The following XRCC4 variants were observed in gnomAD, a reference collection of about 807,000 sequenced individuals.
XRCC4 encodes X-ray repair cross complementing 4.
Under a neutral mutation model 39.1 loss-of-function variants are expected in XRCC4, and 28 were observed. The observed-to-expected ratio is 0.72, with a 90% confidence interval of 0.53 to 0.98. The LOEUF (loss-of-function observed/expected upper bound fraction) is 0.98, where lower values mean the gene tolerates loss of function less well. Among genes scored for constraint, XRCC4 ranks in the 50% least tolerant of loss-of-function variants. XRCC4 has a pLI of 0.00. For synonymous variants in XRCC4, 123 were observed against 126.4 expected (o/e 0.97, Z 0.18); for missense variants, 350 against 376.4 (o/e 0.93, Z 0.58).
intron 7 of XRCC4, among the ~76,000 whole-genome samples, chr5:83,325,003 T>C (rs1322898263): frequency 1.3e-5 from 2 of 152,156 alleles, no homozygotes; most frequent in African/African-American, 2.4e-5. Context: ...AGTGATTTTT[T>C]TAAAGTTCCT....
At chr5:83,207,456 A>G (rs573707736) in intron 6 of XRCC4, among the ~76,000 whole-genome samples, 5 of 152,198 alleles carry the variant, frequency 3.3e-5, no homozygotes, top group African/African-American at 1.2e-4. Flanking sequence ...TATGATCTAT[A>G]GGTCTCTGTT....
chr5:83,295,218 A>G (rs1755052826), intron 7 of XRCC4, among the ~76,000 whole-genome samples: 1 of 152,044 alleles, frequency 6.6e-6, no homozygotes, highest in Non-Finnish European at 1.5e-5. Flanking sequence ...CCACCAGACC[A>G]CTTTTTAACT....
At chr5:83,127,239 G>A (rs1747313966) in intron 3 of XRCC4, among the ~76,000 whole-genome samples, 1 of 152,126 alleles carries the variant, frequency 6.6e-6, no homozygotes. Flanking sequence ...CAAAATTTGT[G>A]TGTGGAAAAC....
intron 6 of XRCC4, among the ~76,000 whole-genome samples, chr5:83,206,532 T>C (rs989392377): frequency 2.0e-5 from 3 of 151,858 alleles, no homozygotes; most frequent in Non-Finnish European, 2.9e-5. Context: ...TAGGAGAGAA[T>C]AGGAGTTTCA....
At chr5:83,083,343 A>C (rs1434117629) in intron 1 of XRCC4, among the ~76,000 whole-genome samples, 1 of 150,890 alleles carries the variant, frequency 6.6e-6, no homozygotes, top group Non-Finnish European at 1.5e-5. Flanking sequence ...GTTTGAATGA[A>C]TGACTGACTT....
chr5:83,094,884 CTT>C (rs74373750), intron 1 of XRCC4, among the ~76,000 whole-genome samples: 56,870 of 127,700 alleles, frequency 0.45, 11,896 homozygotes, highest in African/African-American at 0.48. Flanking sequence ...ATTCTGAAAT[CTT>C]TTTTTTTTTT....
At chr5:83,162,936 T>TTTTC (rs1554060093) in intron 3 of XRCC4, among the ~76,000 whole-genome samples, 25,690 of 134,074 alleles carry the variant, frequency 0.19, 4,116 homozygotes, top group African/African-American at 0.46. Flanking sequence ...TTTTTTTTCT[T>TTTTC]TTTCTTTCTT....
At chr5:83,152,308 G>A (rs1031902) in intron 3 of XRCC4, among the ~76,000 whole-genome samples, 1 of 152,024 alleles carries the variant, frequency 6.6e-6, no homozygotes, top group Admixed American at 6.6e-5. Flanking sequence ...TCATGCCTAA[G>A]AATATTTAAT....
intron 7 of XRCC4, among the ~76,000 whole-genome samples, chr5:83,281,273 C>G (rs921119190): frequency 6.6e-6 from 1 of 152,132 alleles, no homozygotes; most frequent in African/African-American, 2.4e-5. Context: ...AGACTTGACT[C>G]CAATACAGCT....
the XRCC4 span, among the ~76,000 whole-genome samples, chr5:83,373,712 TATTTTTTTTAACAGAGAGA>T: frequency 9.2e-5 from 14 of 152,332 alleles, no homozygotes; most frequent in East Asian, 2.7e-3. Context: ...GCTTTTTCTC[TATTTTTTTTAACAGAGAGA>T]ATGTCTACAC....
chr5:83,367,875 G>A, the XRCC4 span, among the ~76,000 whole-genome samples: 5 of 151,774 alleles, frequency 3.3e-5, no homozygotes, highest in Non-Finnish European at 7.4e-5. Context: ...TTACAGGCAT[G>A]AGCCACTGCA....
At chr5:83,118,097 C>A (rs1319037459) in intron 3 of XRCC4, among the ~76,000 whole-genome samples, 1 of 151,036 alleles carries the variant, frequency 6.6e-6, no homozygotes, top group Non-Finnish European at 1.5e-5. Context: ...TAGTGAATAT[C>A]TAAAACTCTA....
intron 1 of XRCC4, among the ~76,000 whole-genome samples, chr5:83,100,633 G>T (rs1017241598): frequency 2.0e-5 from 3 of 152,012 alleles, no homozygotes; most frequent in African/African-American, 7.2e-5. Flanking sequence ...GTATAAGTAT[G>T]TGTGCATCTG....
At chr5:83,279,352 A>G (rs1754456343) in intron 7 of XRCC4, among the ~76,000 whole-genome samples, 1 of 152,048 alleles carries the variant, frequency 6.6e-6, no homozygotes, top group South Asian at 2.1e-4. Context: ...AAAAATAAAA[A>G]TAAAAAAATT....
At chr5:83,120,916 TAGTACCCATCATA>T (rs764500860) in intron 3 of XRCC4, among the ~76,000 whole-genome samples, 1 of 152,172 alleles carries the variant, frequency 6.6e-6, no homozygotes, top group African/African-American at 2.4e-5. Flanking sequence ...CCAAATTTTT[TAGTACCCATCATA>T]ATTCCTTTCT....
chr5:83,312,721 G>A (rs1755747238), intron 7 of XRCC4, among the ~76,000 whole-genome samples: 1 of 152,152 alleles, frequency 6.6e-6, no homozygotes, highest in African/African-American at 2.4e-5. Flanking sequence ...GTAGAAGACA[G>A]CTTATTGGCA....
chr5:83,281,504 G>GT lies in XRCC4; in HGVS notation c.893+22839dup, dbSNP rs1430319385. On this transcript the variant is annotated intron_variant, in intron 7 of 7. Coordinates refer to ENST00000396027, the MANE Select transcript of XRCC4 (RefSeq NM_003401.5). ...TCGAGTTTGCACTGTTTTTTGTTTTGTTTTTTTTTTTTAATTTTGTACCAT... is the reference window on the plus strand; with the variant it reads ...TCGAGTTTGCACTGTTTTTTGTTTTGTTTTTTTTTTTTTAATTTTGTACCAT... 1.7e-3 allele frequency among the ~76,000 whole-genome samples: 222 copies of GT among 132,250 alleles called. 1 individual carries two copies. Among genetic ancestry groups the GT allele is most frequent in the South Asian group, 3.3e-3 (14 of 4,204 alleles). The allele number at this position is 132,250 out of a possible 152,430, so 86.8% of individuals were successfully genotyped here.
At chr5:83,103,212 A>G (rs1489522639) in intron 1 of XRCC4, among the ~76,000 whole-genome samples, 2 of 151,728 alleles carry the variant, frequency 1.3e-5, no homozygotes, top group Admixed American at 6.6e-5. Flanking sequence ...GAAGGGCAAG[A>G]TTAGGTTTTT....
intron 2 of XRCC4, among the ~76,000 whole-genome samples, chr5:83,106,317 C>G (rs1746195998): frequency 6.6e-6 from 1 of 152,076 alleles, no homozygotes; most frequent in Non-Finnish European, 1.5e-5. Flanking sequence ...GCAGTTCTAA[C>G]AACACAGCTT....
Sources: allele counts gnomAD v4.1 joint callset (sites outside exome capture counted in the v4.1 genomes callset), GRCh38; gene constraint gnomAD v4.1.1; transcripts MANE v1.5; gene names NCBI Gene and HGNC (gene_info 2026-07-23, HGNC 2026-07-21).